CALN1: variants seen among roughly 807,000 people sequenced by gnomAD.
CALN1 encodes calcium-binding protein 8.
In CALN1, 17 loss-of-function variants were observed where a neutral mutation model predicts 30.6. That is an observed-to-expected ratio of 0.56 (90% CI 0.38 to 0.83). The LOEUF is 0.83. CALN1 is among the 40% of genes least tolerant of loss of function. The pLI, the probability that CALN1 is intolerant of heterozygous loss-of-function variation, is 0.00. For missense variants in CALN1, 291 were observed against 354.9 expected, an observed-to-expected ratio of 0.82 and a Z score of 1.45; for synonymous variants, 156 against 131.4, an observed-to-expected ratio of 1.19 and a Z score of -1.28.
rs181184561 is a variant in CALN1 at position 72,182,260 on chromosome 7, G to A, written c.245-75966C>T. Reference sequence around the variant, plus strand: ...TGTATCTGTGCATCATTGATCAAGTGTGTCATGCTCTGAAAAAAAAAGCTG... The same window carrying A: ...TGTATCTGTGCATCATTGATCAAGTATGTCATGCTCTGAAAAAAAAAGCTG... On this transcript the variant is annotated intron_variant, in intron 3 of 6. Transcript: ENST00000395275. 6.9e-4 allele frequency among the ~76,000 whole-genome samples: 105 copies of A among 152,106 alleles called. 1 individual carries two copies. The South Asian group carries it at 0.013, about 18-fold the overall frequency.
At chr7:72,120,007 T>C (rs1808266364) in intron 3 of CALN1, among the ~76,000 whole-genome samples, 2 of 152,166 alleles carry the variant, frequency 1.3e-5, no homozygotes, top group South Asian at 4.1e-4. Context: ...GTTCGTTCCA[T>C]GGGTATATTG....
chr7:71,929,816 C>T (rs1795454340), intron 5 of CALN1, among the ~76,000 whole-genome samples: 1 of 152,152 alleles, frequency 6.6e-6, no homozygotes, highest in South Asian at 2.1e-4. Context: ...GCCAGACTGT[C>T]TTCCCAATTG....
chr7:72,313,283 GATT>G (rs1216370175), intron 2 of CALN1, among the ~76,000 whole-genome samples: 2 of 152,000 alleles, frequency 1.3e-5, no homozygotes, highest in Non-Finnish European at 2.9e-5. Context: ...TCAGTGAATG[GATT>G]ATTTAGTAAG....
chr7:72,084,662 C>T (rs1450087014), intron 4 of CALN1, among the ~76,000 whole-genome samples: 1 of 152,014 alleles, frequency 6.6e-6, no homozygotes, highest in East Asian at 1.9e-4. Context: ...TTGATGCAGG[C>T]AGAGATTTTT....
intron 5 of CALN1, among the ~76,000 whole-genome samples, chr7:71,929,015 T>C (rs1311786219): frequency 6.6e-6 from 1 of 152,158 alleles, no homozygotes; most frequent in Non-Finnish European, 1.5e-5. Context: ...TGATGTGTCA[T>C]GTAAATGGAA....
intron 5 of CALN1, among the ~76,000 whole-genome samples, chr7:71,991,453 T>C (rs1798947357): frequency 6.7e-6 from 1 of 150,036 alleles, no homozygotes; most frequent in Non-Finnish European, 1.5e-5. Context: ...AGTGAGATTC[T>C]GTCTCAAAAA....
chr7:72,382,703 G>A (rs146466548), intron 2 of CALN1, among the ~76,000 whole-genome samples: 1 of 152,128 alleles, frequency 6.6e-6, no homozygotes, highest in Non-Finnish European at 1.5e-5. Context: ...TTATACATGA[G>A]AACATGCAGT....
the CALN1 span, among the ~76,000 whole-genome samples, chr7:72,493,221 G>A: frequency 6.6e-6 from 1 of 152,000 alleles, no homozygotes; most frequent in African/African-American, 2.4e-5. Flanking sequence ...CTATAGATTT[G>A]CTTATTCCAG....
intron 2 of CALN1, among the ~76,000 whole-genome samples, chr7:72,383,426 A>AT (rs150994772): frequency 0.014 from 2,057 of 152,048 alleles, 61 homozygotes; most frequent in African/African-American, 0.047. Context: ...TCAGCATGTT[A>AT]TTTTTTGACT....
rs540734793 is a variant in CALN1, at chr7:71,780,231, T to C, written c.*7544A>G. On this transcript the variant is annotated 3_prime_UTR_variant, in exon 7 of 7. Coordinates refer to ENST00000395275, the MANE Select transcript of CALN1 (RefSeq NM_031468.4). Reference sequence around the variant, plus strand: ...GAGCTAAGAAAGAGAAAATATGCTTTAATTTTCCTTGGAGAGAGTTGAGAG... The same window carrying C: ...GAGCTAAGAAAGAGAAAATATGCTTCAATTTTCCTTGGAGAGAGTTGAGAG... 5 of 152,310 alleles carry C rather than the reference T, an allele frequency of 3.3e-5. No individual in the cohort carries two copies. The South Asian group carries it at 1.0e-3, about 32-fold the overall frequency. 9.4% of individuals were successfully genotyped at this position (152,310 alleles called of 1,614,324 possible).
At chr7:72,284,860 T>C (rs150979093) in intron 2 of CALN1, among the ~76,000 whole-genome samples, 8 of 152,186 alleles carry the variant, frequency 5.3e-5, no homozygotes, top group African/African-American at 1.4e-4. Flanking sequence ...TGATAGATGA[T>C]GGATGGATAG....
rs751142797 is a variant in CALN1 at position 72,337,089 on chromosome 7, T to C, written c.120-58279A>G. 5 of 985,664 alleles carry C rather than the reference T, an allele frequency of 5.1e-6. No homozygotes were observed. In the South Asian group the frequency reaches 1.4e-4, roughly 28 times the overall value. The allele number at this position is 985,664 out of a possible 1,614,324, so 61.1% of individuals were successfully genotyped here. ...CCGCTGGCCGCGCGGGTTCAGCCCA[T>C]GTGCGCGGCTGCCTCGCTGCGCCCC... On this transcript the variant is annotated intron_variant, in intron 2 of 6. Transcript: ENST00000395275.
intron 5 of CALN1, among the ~76,000 whole-genome samples, chr7:72,011,860 T>A (rs1800100515): frequency 6.6e-6 from 1 of 152,086 alleles, no homozygotes; most frequent in African/African-American, 2.4e-5. Flanking sequence ...CACACTGGTC[T>A]TGAACTCTGA....
rs71531773 is a variant in CALN1 at position 71,907,239 on chromosome 7, A to AACACACACACACAC, written c.502-96761_502-96748dup. Among the ~76,000 whole-genome samples the AACACACACACACAC allele has an allele frequency of 6.2e-3, 922 of 147,822 alleles. 5 individuals carry two copies. Among genetic ancestry groups the AACACACACACACAC allele is most frequent in the African/African-American group, 0.019 (743 of 40,122 alleles). ...TACTTTTAAACAGAAATGAGGTTTA[A>AACACACACACACAC]ACACACACACACACACACACACACA... On this transcript the variant is annotated intron_variant, in intron 5 of 6. Transcript: ENST00000395275.
chr7:71,850,980 AG>A (rs1282777447), intron 5 of CALN1, among the ~76,000 whole-genome samples: 2 of 152,116 alleles, frequency 1.3e-5, no homozygotes, highest in Non-Finnish European at 2.9e-5. Flanking sequence ...TGGGAGACTA[AG>A]GTGGGAGGAT....
intron 5 of CALN1, among the ~76,000 whole-genome samples, chr7:71,969,738 G>A (rs928400318): frequency 6.6e-6 from 1 of 152,096 alleles, no homozygotes; most frequent in African/African-American, 2.4e-5. Flanking sequence ...AATATTTTAT[G>A]AGTTGTCAGG....
chr7:71,952,507 C>T (rs1434498457), intron 5 of CALN1, among the ~76,000 whole-genome samples: 6 of 152,190 alleles, frequency 3.9e-5, no homozygotes, highest in Admixed American at 6.5e-5. Flanking sequence ...CTTGGCCAGG[C>T]GGCAATGCTC....
intron 1 of CALN1, among the ~76,000 whole-genome samples, chr7:72,406,130 T>C (rs1585679491): frequency 6.6e-6 from 1 of 152,176 alleles, no homozygotes; most frequent in Admixed American, 6.5e-5. Context: ...GGACCCAAAA[T>C]GGAGCTGGCT....
intron 4 of CALN1, among the ~76,000 whole-genome samples, chr7:72,043,950 G>C (rs1282542709): frequency 6.6e-6 from 1 of 152,204 alleles, no homozygotes; most frequent in Non-Finnish European, 1.5e-5. Flanking sequence ...GAGAGGGCTT[G>C]TGTAGAGGAA....
Sources: gnomAD v4.1 joint callset for allele counts (sites outside exome capture counted in the v4.1 genomes callset) on GRCh38, gnomAD v4.1.1 for gene constraint, MANE v1.5 for transcripts, NCBI Gene and HGNC (gene_info 2026-07-23, HGNC 2026-07-21) for gene names.